Variants in OMD observed in about 807,000 individuals in gnomAD.
OMD encodes KSPG osteomodulin.
Under a neutral mutation model 31.2 loss-of-function variants are expected in OMD, and 19 were observed. The observed-to-expected ratio is 0.61, with a 90% CI of 0.42 to 0.89. The LOEUF is 0.89. OMD is among the 40% of genes least tolerant of loss of function. The pLI, the probability that OMD is intolerant of heterozygous loss-of-function variation, is 0.00. For synonymous variants in OMD, 155 were observed against 166.4 expected, an observed-to-expected ratio of 0.93 and a Z score of 0.53; for missense variants, 448 against 490.8, an observed-to-expected ratio of 0.91 and a Z score of 0.82.
Position 92,416,679 on chromosome 9 carries a change from G to T in OMD, c.880C>A (p.Gln294Lys), listed in dbSNP as rs752327195. The T allele has an allele frequency of 1.2e-6, 2 of 1,610,180 alleles. No individual in the cohort carries two copies. Among genetic ancestry groups the T allele is most frequent in the Non-Finnish European group, 1.7e-6 (2 of 1,178,938 alleles). Residue 294 changes from glutamine to lysine, a missense_variant, in exon 2 of 3, where the codon CAA (glutamine) becomes AAA (lysine). Coordinates refer to ENST00000375550, the MANE Select transcript of OMD (RefSeq NM_005014.3). ...AAATTTCTTGGAATATAGAATGCTT[G>T]CTTCAATTTGTTGTGTCCAACACTG... is the stretch of plus-strand genomic sequence containing the variant. ...ELSVGHNKLK[Q>K]AFYIPRNLEH...
At chr9:92,415,567 G>A (rs913335035) in intron 2 of OMD, 90 bp from the exon 3 acceptor site, 2 of 543,086 alleles carry the variant, frequency 3.7e-6, no homozygotes, top group Non-Finnish European at 5.7e-6. Context: ...TATTGTATGG[G>A]ATATAATTCT....
At chr9:92,418,314 T>C (rs1224673507) in intron 1 of OMD, among the ~76,000 whole-genome samples, 2 of 151,884 alleles carry the variant, frequency 1.3e-5, no homozygotes, top group Admixed American at 1.3e-4. Flanking sequence ...CTCTAACTCC[T>C]GACCTCAGGT....
chr9:92,417,681 T>A (rs1843660097), intron 1 of OMD, 107 bp from the exon 2 acceptor site: 1 of 656,390 alleles, frequency 1.5e-6, no homozygotes, highest in Non-Finnish European at 2.4e-6. Context: ...TGTCTATATA[T>A]AAAAGAATAT....
intron 1 of OMD, among the ~76,000 whole-genome samples, chr9:92,422,022 T>C (rs961672724): frequency 2.6e-5 from 4 of 152,130 alleles, no homozygotes. Flanking sequence ...TTTATAATAT[T>C]TTATTGTACT....
At chr9:92,419,072 G>A (rs1284078274) in intron 1 of OMD, among the ~76,000 whole-genome samples, 1 of 152,048 alleles carries the variant, frequency 6.6e-6, no homozygotes, top group Non-Finnish European at 1.5e-5. Flanking sequence ...TGCAGGAGGA[G>A]GATATTGTGT....
At chr9:92,415,969 C>T (rs1305116627) in intron 2 of OMD, among the ~76,000 whole-genome samples, 1 of 137,694 alleles carries the variant, frequency 7.3e-6, no homozygotes, top group Admixed American at 7.5e-5. Flanking sequence ...TATAAATTGT[C>T]AGTTATATAT....
chr9:92,420,688 T>C (rs1843763899), intron 1 of OMD, among the ~76,000 whole-genome samples: 1 of 152,224 alleles, frequency 6.6e-6, no homozygotes, highest in Admixed American at 6.5e-5. Flanking sequence ...ATCATTTATT[T>C]CTATTTTCTT....
chr9:92,416,614 C>T lies in OMD; in HGVS notation c.940+5G>A, dbSNP rs967488327. ...CTCTTCAAAACACAATAAAAGTCTA[C>T]ATACTTTCTATTTCATTATTTTGTA... On this transcript the variant is annotated splice_donor_5th_base_variant and intron_variant, in intron 2 of 2. Transcript: ENST00000375550. 8 of 1,475,838 alleles carry T rather than the reference C, an allele frequency of 5.4e-6. No individual in the cohort carries two copies. The highest frequency in any genetic ancestry group is 7.4e-6 in the Non-Finnish European group (8 of 1,086,704). The allele number at this position is 1,475,838 out of a possible 1,614,324, so 91.4% of individuals were successfully genotyped here. A position where few individuals can be genotyped will look rare whatever the true frequency, so the allele number is the denominator to read the frequency against.
At chr9:92,416,148 A>C (rs1588114464) in intron 2 of OMD, among the ~76,000 whole-genome samples, 1 of 149,352 alleles carries the variant, frequency 6.7e-6, no homozygotes, top group Non-Finnish European at 1.5e-5. Flanking sequence ...CATCCAGGCC[A>C]GAAAGCAGTG....
intron 1 of OMD, among the ~76,000 whole-genome samples, chr9:92,419,635 C>T (rs959948989): frequency 3.3e-5 from 5 of 152,114 alleles, no homozygotes; most frequent in African/African-American, 1.2e-4. Context: ...TCCGCCTGGT[C>T]GTTGTTAGCA....
intron 1 of OMD, among the ~76,000 whole-genome samples, chr9:92,423,211 C>T (rs917091112): frequency 1.3e-5 from 2 of 151,984 alleles, no homozygotes; most frequent in African/African-American, 2.4e-5. Context: ...CCTAGTACAT[C>T]GTGTAGCAGG....
intron 1 of OMD, 78 bp from the exon 2 acceptor site, chr9:92,417,652 A>T: frequency 1.3e-6 from 1 of 786,386 alleles, no homozygotes; most frequent in East Asian, 2.7e-5. Flanking sequence ...TCTCAGTTAT[A>T]TGAAATGTAT....
rs534233147 is a variant in OMD, at chr9:92,413,626, A to AT, written c.*1525dup. On this transcript the variant is annotated 3_prime_UTR_variant, in exon 3 of 3. Transcript: ENST00000375550. ...CAAGAAAAGGGAGGTGGGCCTTAAG[A>AT]TTTTTTTTTTAACCTCTGTTGAAAA... Among the ~76,000 whole-genome samples, 7 of 150,220 alleles carry AT rather than the reference A, an allele frequency of 4.7e-5. No homozygotes were observed. The highest frequency in any genetic ancestry group is 7.3e-5 in the African/African-American group (3 of 40,942).
Position 92,417,304 on chromosome 9 carries a change from A to G in OMD, c.255T>C (p.Thr85=), listed in dbSNP as rs764488941. Residue 85 remains threonine, a synonymous_variant, in exon 2 of 3, where the codon ACT becomes ACC. Transcript: ENST00000375550. ...GAATGTGCATCGGAATATTTGGGAT[A>G]GTCTTGAGTTTGCGATTATCACAGT... ...SMYCDNRKLK[T]IPNIPMHIQQ... The G allele has an allele frequency of 1.5e-5, 24 of 1,613,966 alleles. No homozygotes were observed. Among genetic ancestry groups the G allele is most frequent in the African/African-American group, 4.0e-5 (3 of 74,920 alleles).
At chr9:92,423,867 T>A (rs1488680661) in intron 1 of OMD, among the ~76,000 whole-genome samples, 2 of 152,160 alleles carry the variant, frequency 1.3e-5, no homozygotes, top group African/African-American at 4.8e-5. Flanking sequence ...TCTTTGTTAC[T>A]TATAATTCAT....
chr9:92,417,692 C>A (rs765303405), intron 1 of OMD, 118 bp from the exon 2 acceptor site: 128 of 631,350 alleles, frequency 2.0e-4, no homozygotes, highest in Non-Finnish European at 2.6e-4. Flanking sequence ...AAAAGAATAT[C>A]CAGAAAGAAT....
chr9:92,416,111 T>A (rs1036183525), intron 2 of OMD, among the ~76,000 whole-genome samples: 18 of 146,670 alleles, frequency 1.2e-4, no homozygotes, highest in Non-Finnish European at 1.8e-4. Context: ...TTATTTTTTT[T>A]TTTTTTAAGA....
In OMD at chr9:92,412,398, A is replaced by G. The variant is rs1843470144; in HGVS notation, c.*2754T>C. ...CACTGCACCCAGCCTAAAGTATACAATTTAATAGTACTTAGTGTTTTTGCA... is the reference window on the plus strand; with the variant it reads ...CACTGCACCCAGCCTAAAGTATACAGTTTAATAGTACTTAGTGTTTTTGCA... On this transcript the variant is annotated 3_prime_UTR_variant, in exon 3 of 3. Coordinates refer to ENST00000375550, the MANE Select transcript of OMD (RefSeq NM_005014.3). Among the ~76,000 whole-genome samples, 1 of 152,286 alleles carries G rather than the reference A, an allele frequency of 6.6e-6. No individual in the cohort carries two copies. Among genetic ancestry groups the G allele is most frequent in the East Asian group, 1.9e-4 (1 of 5,186 alleles).
In OMD at chr9:92,415,473, C is replaced by G; in HGVS notation, c.945G>C (p.Met315Ile). The G allele has an allele frequency of 6.4e-7, 1 of 1,560,086 alleles. No homozygotes were observed. The highest frequency in any genetic ancestry group is 8.7e-7 in the Non-Finnish European group (1 of 1,150,088). The part of the protein sequence containing the change: ...LYLQNNEIEK[M>I]NLTVMCPSID... The stretch of plus-strand genomic sequence containing the variant: ...TAGAAGGACACATCACTGTAAGATT[C>G]ATCTCTGAAAGAAATAAATTAAAAA... Residue 315 changes from methionine (M) to isoleucine (I), a missense_variant, in exon 3 of 3, where the codon ATG becomes ATC. Met to Ile is a conservative substitution (Grantham distance 10). Coordinates refer to ENST00000375550, the MANE Select transcript of OMD (RefSeq NM_005014.3).
Sources: gnomAD v4.1 joint callset for allele counts (sites outside exome capture counted in the v4.1 genomes callset) on GRCh38, gnomAD v4.1.1 for gene constraint, MANE v1.5 for transcripts, NCBI Gene and HGNC (gene_info 2026-07-23, HGNC 2026-07-21) for gene names.